NCKAP5: variants seen among roughly 807,000 people sequenced by gnomAD.
NCKAP5 encodes the protein NCK associated protein 5, also known as nck-associated protein 5.
NCKAP5 carries 92 observed loss-of-function variants against 167.0 expected under a neutral mutation model. The observed-to-expected ratio is 0.55, with a 90% CI of 0.47 to 0.66. NCKAP5 has a LOEUF of 0.66. Among genes scored for constraint, NCKAP5 ranks in the 30% least tolerant of loss-of-function variants. The pLI, the probability that NCKAP5 is intolerant of heterozygous loss-of-function variation, is 0.00. For synonymous variants in NCKAP5, 891 were observed against 877.4 expected, an observed-to-expected ratio of 1.02 and a Z score of -0.27; for missense variants, 2,378 against 2,315.0, an observed-to-expected ratio of 1.03 and a Z score of -0.56.
rs1230844899 is a variant in NCKAP5 at position 133,526,238 on chromosome 2, AGGGAGGG to A, written c.-61-8658_-61-8652del. ...AAGGAAGGAAGGAAGAAAGGAAAGG[AGGGAGGG>A]AAGGAGGGAGGGAGGGAAGGAGGGA... On this transcript the variant is annotated intron_variant, in intron 2 of 19. Transcript: ENST00000409261. 9.2e-4 allele frequency among the ~76,000 whole-genome samples: 47 copies of A among 50,848 alleles called. 1 individual carries two copies. Among genetic ancestry groups the A allele is most frequent in the East Asian group, 5.4e-3 (9 of 1,680 alleles). 33.4% of individuals were successfully genotyped at this position (50,848 alleles called of 152,430 possible).
intron 15 of NCKAP5, among the ~76,000 whole-genome samples, chr2:132,775,719 G>A (rs959196108): frequency 2.0e-5 from 3 of 152,136 alleles, no homozygotes; most frequent in African/African-American, 7.2e-5. Context: ...GTGACCCAAA[G>A]GCCCCCAAAC....
chr2:132,943,310 A>C, intron 8 of NCKAP5, among the ~76,000 whole-genome samples: 1 of 152,244 alleles, frequency 6.6e-6, no homozygotes, highest in East Asian at 1.9e-4. Context: ...CACATGTAAA[A>C]TATCCTCTTT....
chr2:132,995,647 AAAAC>A (rs71398579), intron 6 of NCKAP5, among the ~76,000 whole-genome samples: 44,811 of 143,746 alleles, frequency 0.31, 6,783 homozygotes, highest in South Asian at 0.43. Flanking sequence ...ACTCTATCTG[AAAAC>A]AAACAAACAA....
At chr2:133,317,896 G>C (rs1402111075) in intron 3 of NCKAP5, among the ~76,000 whole-genome samples, 1 of 152,144 alleles carries the variant, frequency 6.6e-6, no homozygotes, top group East Asian at 1.9e-4. Context: ...GAAACAAAAG[G>C]GTGGCAGAGT....
intron 11 of NCKAP5, among the ~76,000 whole-genome samples, chr2:132,833,782 T>C (rs1002682051): frequency 1.3e-5 from 2 of 152,144 alleles, no homozygotes; most frequent in African/African-American, 4.8e-5. Flanking sequence ...TAATTTGAAG[T>C]CAGGTAATGT....
At chr2:133,047,888 T>G (rs1366453674) in intron 6 of NCKAP5, among the ~76,000 whole-genome samples, 1 of 152,214 alleles carries the variant, frequency 6.6e-6, no homozygotes, top group East Asian at 1.9e-4. Context: ...TTTGCAAGGT[T>G]GCATATATAA....
chr2:132,768,875 G>A (rs139620367), intron 16 of NCKAP5, among the ~76,000 whole-genome samples: 1,515 of 150,582 alleles, frequency 0.01, 26 homozygotes, highest in African/African-American at 0.035. Context: ...TCCTGACCTC[G>A]TGATCTGCCT....
intron 4 of NCKAP5, among the ~76,000 whole-genome samples, chr2:133,226,621 A>ACACACACACACACG (rs1317842312): frequency 6.6e-6 from 1 of 151,546 alleles, no homozygotes; most frequent in Non-Finnish European, 1.5e-5. Flanking sequence ...ACACACACAC[A>ACACACACACACACG]CACACACACA....
intron 6 of NCKAP5, among the ~76,000 whole-genome samples, chr2:133,017,618 A>G (rs1278080695): frequency 6.6e-6 from 1 of 152,152 alleles, no homozygotes; most frequent in Non-Finnish European, 1.5e-5. Context: ...TCTGAAAAAA[A>G]AAAATTGAAC....
At chr2:133,452,976 C>A (rs903088716) in intron 3 of NCKAP5, among the ~76,000 whole-genome samples, 1 of 152,070 alleles carries the variant, frequency 6.6e-6, no homozygotes, top group African/African-American at 2.4e-5. Context: ...CCTGCTATTA[C>A]CATTGCTACC....
intron 13 of NCKAP5, among the ~76,000 whole-genome samples, chr2:132,788,337 A>T (rs555958062): frequency 6.6e-6 from 1 of 152,206 alleles, no homozygotes; most frequent in East Asian, 1.9e-4. Context: ...TTATATATAT[A>T]TATTTTTCTA....
At chr2:132,674,849 C>T (rs1684225322) in intron 19 of NCKAP5, among the ~76,000 whole-genome samples, 1 of 152,040 alleles carries the variant, frequency 6.6e-6, no homozygotes, top group African/African-American at 2.4e-5. Flanking sequence ...AAACATTACT[C>T]ACAGAGCTAA....
intron 6 of NCKAP5, among the ~76,000 whole-genome samples, chr2:133,093,260 C>G (rs960437992): frequency 6.6e-6 from 1 of 152,140 alleles, no homozygotes; most frequent in Non-Finnish European, 1.5e-5. Flanking sequence ...CTGTGGTAGA[C>G]ACCTGAAAAA....
intron 4 of NCKAP5, among the ~76,000 whole-genome samples, chr2:133,292,806 A>G (rs1288572212): frequency 6.6e-6 from 1 of 152,200 alleles, no homozygotes; most frequent in East Asian, 1.9e-4. Context: ...TTAAGTACGA[A>G]TATTTCCCCA....
intron 11 of NCKAP5, among the ~76,000 whole-genome samples, chr2:132,814,135 C>T (rs922483494): frequency 6.6e-6 from 1 of 152,154 alleles, no homozygotes; most frequent in African/African-American, 2.4e-5. Context: ...GTCTCACTTC[C>T]CTTGATAGTT....
At chr2:132,865,165 C>G (rs1690244618) in intron 10 of NCKAP5, among the ~76,000 whole-genome samples, 1 of 152,138 alleles carries the variant, frequency 6.6e-6, no homozygotes, top group South Asian at 2.1e-4. Flanking sequence ...CTGGTCACAT[C>G]TCAGACTGAT....
At chr2:133,177,403 G>A (rs952176582) in intron 5 of NCKAP5, among the ~76,000 whole-genome samples, 2 of 152,012 alleles carry the variant, frequency 1.3e-5, no homozygotes, top group African/African-American at 2.4e-5. Context: ...GAATGTGGGG[G>A]TGTGGGGAGG....
At chr2:133,398,141 T>A (rs924651662) in intron 3 of NCKAP5, among the ~76,000 whole-genome samples, 2 of 151,666 alleles carry the variant, frequency 1.3e-5, no homozygotes, top group South Asian at 4.2e-4. Flanking sequence ...AGAGACCTGA[T>A]CCTCAGGGAA....
At chr2:133,160,114 G>T (rs1395785448) in intron 5 of NCKAP5, among the ~76,000 whole-genome samples, 1 of 152,132 alleles carries the variant, frequency 6.6e-6, no homozygotes, top group Admixed American at 6.5e-5. Context: ...CACAAACTGG[G>T]TGACATAGAA....
Sources: allele counts gnomAD v4.1 joint callset (sites outside exome capture counted in the v4.1 genomes callset), GRCh38; gene constraint gnomAD v4.1.1; transcripts MANE v1.5; gene names NCBI Gene and HGNC (gene_info 2026-07-23, HGNC 2026-07-21).